COX7B2: variants seen among roughly 807,000 people sequenced by gnomAD.
The protein encoded by COX7B2 is cytochrome c oxidase subunit 7B2, mitochondrial.
For missense variants in COX7B2, 109 were observed against 95.9 expected, an observed-to-expected ratio of 1.14 and a Z score of -0.57; for synonymous variants, 37 against 32.1, an observed-to-expected ratio of 1.15 and a Z score of -0.51.
At chr4:46,879,065 A>T (rs181950049) in intron 1 of COX7B2, among the ~76,000 whole-genome samples, 52 of 152,324 alleles carry the variant, frequency 3.4e-4, no homozygotes, top group African/African-American at 1.2e-3. Flanking sequence ...GTGCAAGTAT[A>T]TTTAGTATAT....
At chr4:46,761,972 C>T (rs1000168302) in intron 2 of COX7B2, among the ~76,000 whole-genome samples, 1 of 151,042 alleles carries the variant, frequency 6.6e-6, no homozygotes, top group Non-Finnish European at 1.5e-5. Context: ...AACATATGAA[C>T]AGTGTGATTG....
intron 2 of COX7B2, among the ~76,000 whole-genome samples, chr4:46,760,351 T>C (rs1716073281): frequency 6.6e-6 from 1 of 152,114 alleles, no homozygotes; most frequent in Admixed American, 6.6e-5. Context: ...ATGTGGCACA[T>C]ATACACCATG....
At chr4:46,803,365 A>G (rs1441473111) in intron 2 of COX7B2, among the ~76,000 whole-genome samples, 1 of 152,198 alleles carries the variant, frequency 6.6e-6, no homozygotes, top group Non-Finnish European at 1.5e-5. Flanking sequence ...CAGATAAAAA[A>G]TTTGGGATAT....
intron 2 of COX7B2, among the ~76,000 whole-genome samples, chr4:46,744,492 C>A (rs1714901807): frequency 6.6e-6 from 1 of 151,888 alleles, no homozygotes; most frequent in Non-Finnish European, 1.5e-5. Context: ...AGACCAAACC[C>A]GCGGTGTTAC....
chr4:46,754,108 A>C (rs377459665), intron 2 of COX7B2, among the ~76,000 whole-genome samples: 8 of 152,154 alleles, frequency 5.3e-5, no homozygotes, highest in African/African-American at 1.4e-4. Context: ...CTTTTACACT[A>C]TTGGTGGGAC....
intron 1 of COX7B2, among the ~76,000 whole-genome samples, chr4:46,880,013 G>C (rs956115617): frequency 3.3e-5 from 5 of 152,088 alleles, no homozygotes; most frequent in Non-Finnish European, 7.4e-5. Flanking sequence ...TGGTGAGAGA[G>C]GGCATCCTTG....
In COX7B2 at chr4:46,871,254, T is replaced by A. The variant is rs529026071; in HGVS notation, c.-104-26240A>T. 3.3e-5 allele frequency among the ~76,000 whole-genome samples: 5 copies of A among 152,316 alleles called. No homozygotes were observed. The South Asian group carries it at 8.3e-4, about 25-fold the overall frequency. ...ACAAGCAACAGGGAAATGCTCTCTA[T>A]TCAGTAAATGGTACTGGGGTAACTG... is the stretch of plus-strand genomic sequence containing the variant. On this transcript the variant is annotated intron_variant, in intron 1 of 2. Coordinates refer to ENST00000355591, the MANE Select transcript of COX7B2 (RefSeq NM_130902.3).
chr4:46,873,463 C>T (rs1718130197), intron 1 of COX7B2, among the ~76,000 whole-genome samples: 1 of 152,160 alleles, frequency 6.6e-6, no homozygotes. Flanking sequence ...TATTTCTCCA[C>T]ATCCTCTCCA....
At chr4:46,736,504 G>A (rs543694247) in intron 2 of COX7B2, among the ~76,000 whole-genome samples, 1 of 151,976 alleles carries the variant, frequency 6.6e-6, no homozygotes, top group Non-Finnish European at 1.5e-5. Flanking sequence ...CCTGAGGAAG[G>A]AACTCAGATA....
chr4:46,741,646 C>T (rs1714717893), intron 2 of COX7B2, among the ~76,000 whole-genome samples: 1 of 151,870 alleles, frequency 6.6e-6, no homozygotes, highest in Non-Finnish European at 1.5e-5. Context: ...TGAACTAATC[C>T]CAATATTTTA....
chr4:46,764,425 A>C (rs563908206), intron 2 of COX7B2, among the ~76,000 whole-genome samples: 1 of 152,104 alleles, frequency 6.6e-6, no homozygotes, highest in South Asian at 2.1e-4. Flanking sequence ...GGTGCCTGTA[A>C]TCCCAGCTAC....
chr4:46,746,963 T>C (rs895527989), intron 2 of COX7B2, among the ~76,000 whole-genome samples: 1 of 152,152 alleles, frequency 6.6e-6, no homozygotes, highest in Non-Finnish European at 1.5e-5. Flanking sequence ...AGGCAGATAA[T>C]GATAAGGTTT....
intron 1 of COX7B2, among the ~76,000 whole-genome samples, chr4:46,902,789 A>G (rs1203246195): frequency 1.3e-5 from 2 of 152,222 alleles, no homozygotes; most frequent in Non-Finnish European, 1.5e-5. Context: ...AGGCACAAGA[A>G]TCACTTGAAC....
chr4:46,846,183 G>A (rs1021893252), intron 1 of COX7B2, among the ~76,000 whole-genome samples: 3 of 151,960 alleles, frequency 2.0e-5, no homozygotes, highest in Admixed American at 6.6e-5. Context: ...GACTAACTGC[G>A]TTATTTGTTC....
chr4:46,773,189 C>T (rs939320266), intron 2 of COX7B2, among the ~76,000 whole-genome samples: 2 of 152,078 alleles, frequency 1.3e-5, no homozygotes, highest in African/African-American at 4.8e-5. Context: ...AAGGTAGTAT[C>T]GTTTGACTGT....
intron 1 of COX7B2, among the ~76,000 whole-genome samples, chr4:46,857,728 A>G (rs938086714): frequency 5.3e-5 from 8 of 152,236 alleles, no homozygotes; most frequent in African/African-American, 1.9e-4. Flanking sequence ...CTACAGAAGT[A>G]AAAACAGATC....
At chr4:46,736,071 T>C (rs1714344412) in intron 2 of COX7B2, among the ~76,000 whole-genome samples, 1 of 152,128 alleles carries the variant, frequency 6.6e-6, no homozygotes, top group African/African-American at 2.4e-5. Flanking sequence ...CCTGATATTG[T>C]ACATTCTATA....
intron 1 of COX7B2, among the ~76,000 whole-genome samples, chr4:46,853,734 T>C (rs894595337): frequency 1.3e-5 from 2 of 152,124 alleles, no homozygotes; most frequent in African/African-American, 4.8e-5. Context: ...TAAGTGAATA[T>C]ATAAAATAGT....
chr4:46,824,299 C>G (rs1187422456), intron 2 of COX7B2, among the ~76,000 whole-genome samples: 1 of 152,110 alleles, frequency 6.6e-6, no homozygotes, highest in Non-Finnish European at 1.5e-5. Flanking sequence ...AGGAGGGACT[C>G]TTGCTCAACT....
Sources: allele counts gnomAD v4.1 joint callset (sites outside exome capture counted in the v4.1 genomes callset), GRCh38; gene constraint gnomAD v4.1.1; transcripts MANE v1.5; gene names NCBI Gene and HGNC (gene_info 2026-07-23, HGNC 2026-07-21).